Variants in ADGRL3 observed in about 807,000 individuals in gnomAD.
The protein encoded by ADGRL3 is adhesion G protein-coupled receptor L3.
In ADGRL3, 62 loss-of-function variants were observed where a neutral mutation model predicts 153.5. The observed-to-expected ratio is 0.40, with a 90% CI of 0.33 to 0.50. The LOEUF (loss-of-function observed/expected upper bound fraction) is 0.50. ADGRL3 is among the 20% of genes least tolerant of loss of function. The pLI is 0.47. For synonymous variants in ADGRL3, 710 were observed against 672.5 expected, an observed-to-expected ratio of 1.06 and a Z score of -0.86; for missense variants, 1,641 against 1,859.4, an observed-to-expected ratio of 0.88 and a Z score of 2.16.
intron 2 of ADGRL3, among the ~76,000 whole-genome samples, chr4:61,424,261 C>G (rs998701148): frequency 6.6e-6 from 1 of 152,108 alleles, no homozygotes; most frequent in Non-Finnish European, 1.5e-5. Flanking sequence ...TGTGCACCTG[C>G]GCTCTAATCC....
At chr4:61,572,543 T>C (rs942435102) in intron 4 of ADGRL3, among the ~76,000 whole-genome samples, 3 of 152,114 alleles carry the variant, frequency 2.0e-5, no homozygotes, top group Admixed American at 2.0e-4. Context: ...ATTTATGAGA[T>C]AGTGTGAATT....
chr4:61,317,699 A>G (rs2150680938), intron 1 of ADGRL3, among the ~76,000 whole-genome samples: 1 of 152,286 alleles, frequency 6.6e-6, no homozygotes, highest in East Asian at 1.9e-4. Flanking sequence ...TTGGGGAAGG[A>G]AAGACAGAGG....
At chr4:61,599,175 G>A (rs1170361977) in intron 5 of ADGRL3, among the ~76,000 whole-genome samples, 2 of 152,188 alleles carry the variant, frequency 1.3e-5, no homozygotes, top group Non-Finnish European at 2.9e-5. Flanking sequence ...TGCACAAAAT[G>A]CTATGGCCTA....
chr4:61,229,371 A>G (rs184913285), intron 1 of ADGRL3, among the ~76,000 whole-genome samples: 60 of 152,346 alleles, frequency 3.9e-4, no homozygotes, highest in Admixed American at 2.0e-3. Context: ...TAATAAGTCA[A>G]TGAAAGTAAT....
chr4:62,036,074 C>T (rs1459249675), intron 23 of ADGRL3, among the ~76,000 whole-genome samples: 1 of 151,956 alleles, frequency 6.6e-6, no homozygotes. Flanking sequence ...AAACACTAAA[C>T]AAAAATAATT....
intron 5 of ADGRL3, among the ~76,000 whole-genome samples, chr4:61,592,324 C>T (rs560491552): frequency 2.7e-4 from 41 of 152,188 alleles, no homozygotes; most frequent in African/African-American, 8.9e-4. Flanking sequence ...TGAGTTATTC[C>T]GCTCAAGTAT....
At chr4:61,598,279 A>G (rs530470930) in intron 5 of ADGRL3, among the ~76,000 whole-genome samples, 7 of 152,180 alleles carry the variant, frequency 4.6e-5, no homozygotes, top group Non-Finnish European at 8.8e-5. Context: ...ACTGGAGGGC[A>G]ACATGAACCT....
chr4:61,375,149 T>TA (rs963740028), intron 1 of ADGRL3, among the ~76,000 whole-genome samples: 7 of 151,532 alleles, frequency 4.6e-5, no homozygotes, highest in South Asian at 4.2e-4. Flanking sequence ...TGGTAACTCT[T>TA]AAAAAAAAAT....
Position 61,979,465 on chromosome 4 carries a change from G to A in ADGRL3, c.2806-98G>A, listed in dbSNP as rs2099059805. The A allele has an allele frequency of 9.5e-6, 9 of 944,014 alleles. No homozygotes were observed. In the South Asian group the frequency reaches 1.1e-4, roughly 11 times the overall value. The allele number at this position is 944,014 out of a possible 1,614,324, so 58.5% of individuals were successfully genotyped here. Reference sequence around the variant, plus strand: ...ATTGTGGGTATAGAGGGTATTTTGTGCATTATTACTATCATGCTTTGTGCA... The same window carrying A: ...ATTGTGGGTATAGAGGGTATTTTGTACATTATTACTATCATGCTTTGTGCA... On this transcript the variant is annotated intron_variant, in intron 17 of 26. Coordinates refer to ENST00000683033, the MANE Select transcript of ADGRL3 (RefSeq NM_001387552.1).
intron 8 of ADGRL3, among the ~76,000 whole-genome samples, chr4:61,798,295 G>C (rs1311816298): frequency 1.3e-5 from 2 of 152,178 alleles, no homozygotes; most frequent in East Asian, 3.8e-4. Flanking sequence ...CCCCTAGTAT[G>C]TGACTATTGC....
At chr4:61,481,997 T>C (rs945584176) in intron 2 of ADGRL3, among the ~76,000 whole-genome samples, 1 of 152,096 alleles carries the variant, frequency 6.6e-6, no homozygotes, top group Admixed American at 6.5e-5. Flanking sequence ...ATCTAAAACA[T>C]CACTAAAATA....
chr4:61,918,826 A>C (rs2098755813), intron 13 of ADGRL3, among the ~76,000 whole-genome samples: 1 of 152,306 alleles, frequency 6.6e-6, no homozygotes, highest in South Asian at 2.1e-4. Flanking sequence ...ATTCTTTTCA[A>C]CTTTTTTGTA....
intron 4 of ADGRL3, among the ~76,000 whole-genome samples, chr4:61,549,796 A>C (rs1318857706): frequency 6.6e-6 from 1 of 152,020 alleles, no homozygotes; most frequent in East Asian, 1.9e-4. Flanking sequence ...AAATTAATAT[A>C]ACTTCCCTGA....
chr4:61,417,084 A>G (rs1014912945), intron 2 of ADGRL3, among the ~76,000 whole-genome samples: 2 of 152,120 alleles, frequency 1.3e-5, no homozygotes, highest in Non-Finnish European at 2.9e-5. Flanking sequence ...GACAGGAGGC[A>G]GATCCTAGGT....
chr4:61,740,305 C>A, intron 8 of ADGRL3, among the ~76,000 whole-genome samples: 1 of 152,122 alleles, frequency 6.6e-6, no homozygotes, highest in East Asian at 1.9e-4. Flanking sequence ...TACTCAGCTG[C>A]TTTGCAGGTT....
intron 5 of ADGRL3, among the ~76,000 whole-genome samples, chr4:61,654,650 G>T (rs546655619): frequency 1.3e-5 from 2 of 151,994 alleles, no homozygotes; most frequent in African/African-American, 4.8e-5. Context: ...TGTAATCCCC[G>T]CACTTTGGGA....
At chr4:61,730,556 G>T in intron 6 of ADGRL3, 66 bp from the exon 7 acceptor site, 1 of 387,386 alleles carries the variant, frequency 2.6e-6, no homozygotes. Flanking sequence ...AAAGTGCTTG[G>T]CCAATACCGT....
intron 21 of ADGRL3, among the ~76,000 whole-genome samples, chr4:62,017,972 C>A (rs558344122): frequency 1.3e-5 from 2 of 152,114 alleles, no homozygotes; most frequent in African/African-American, 4.8e-5. Flanking sequence ...CAACCCCCAG[C>A]CTCCCGGGTT....
intron 8 of ADGRL3, among the ~76,000 whole-genome samples, chr4:61,796,121 G>A (rs1318918559): frequency 1.3e-5 from 2 of 152,106 alleles, no homozygotes; most frequent in South Asian, 2.1e-4. Flanking sequence ...GATTATAAGC[G>A]TGAGCCACCC....
Sources: gnomAD v4.1 joint callset for allele counts (sites outside exome capture counted in the v4.1 genomes callset) on GRCh38, gnomAD v4.1.1 for gene constraint, MANE v1.5 for transcripts, NCBI Gene and HGNC (gene_info 2026-07-23, HGNC 2026-07-21) for gene names.